USH2A: variants seen among roughly 807,000 people sequenced by gnomAD.
The protein encoded by USH2A is usherin.
USH2A carries 443 observed loss-of-function variants against 538.9 expected under a neutral mutation model. That is an observed-to-expected ratio of 0.82 (90% CI 0.76 to 0.89). The LOEUF (loss-of-function observed/expected upper bound fraction) is 0.89, where lower values mean the gene tolerates loss of function less well. USH2A is among the 40% of genes least tolerant of loss of function. The pLI, the probability that USH2A is intolerant of heterozygous loss-of-function variation, is 0.00. For synonymous variants in USH2A, 2,413 were observed against 2,273.5 expected, an observed-to-expected ratio of 1.06 and a Z score of -1.75; for missense variants, 6,633 against 6,324.8, an observed-to-expected ratio of 1.05 and a Z score of -1.65.
At chr1:216,371,977 A>C (rs2038724204) in intron 3 of USH2A, among the ~76,000 whole-genome samples, 1 of 152,184 alleles carries the variant, frequency 6.6e-6, no homozygotes, top group African/African-American at 2.4e-5. Flanking sequence ...CAGTTTATTA[A>C]ATATTCTCTA....
At chr1:216,412,559 G>T (rs550873290) in intron 3 of USH2A, among the ~76,000 whole-genome samples, 1 of 151,786 alleles carries the variant, frequency 6.6e-6, no homozygotes, top group African/African-American at 2.4e-5. Flanking sequence ...TCAATGAGGG[G>T]TATAGTTAAA....
intron 13 of USH2A, 31 bp from the exon 14 acceptor site, chr1:216,232,167 A>G (rs1167465789): frequency 1.3e-6 from 2 of 1,581,970 alleles, no homozygotes; most frequent in Non-Finnish European, 8.6e-7. Flanking sequence ...AGTTTTATAT[A>G]TACTTTTTAT....
intron 42 of USH2A, 59 bp downstream of exon 42, chr1:215,878,705 C>G: frequency 6.4e-7 from 1 of 1,556,354 alleles, no homozygotes; most frequent in South Asian, 1.1e-5. Flanking sequence ...CTTCATTTCC[C>G]TACTTCTCAG....
chr1:216,146,703 T>C (rs1475930895), intron 21 of USH2A, among the ~76,000 whole-genome samples: 2 of 152,018 alleles, frequency 1.3e-5, no homozygotes, highest in Middle Eastern at 3.2e-3. Flanking sequence ...CTTATTTCCG[T>C]GTCCCAACCC....
intron 2 of USH2A, among the ~76,000 whole-genome samples, chr1:216,420,054 T>C (rs1186837195): frequency 1.3e-5 from 2 of 152,164 alleles, no homozygotes; most frequent in Non-Finnish European, 2.9e-5. Flanking sequence ...AAGTTTTATA[T>C]AAATTCTACT....
chr1:215,782,302 T>C, intron 53 of USH2A, 106 bp from the exon 54 acceptor site: 1 of 1,217,974 alleles, frequency 8.2e-7, no homozygotes, highest in Admixed American at 2.0e-5. Flanking sequence ...ACTATAGCTT[T>C]ATTTAATTTT....
intron 70 of USH2A, among the ~76,000 whole-genome samples, chr1:215,629,401 A>T (rs1012853531): frequency 2.6e-5 from 4 of 152,148 alleles, no homozygotes; most frequent in South Asian, 2.1e-4. Context: ...TGAACAAGGT[A>T]TCTTCTTCAT....
At chr1:216,008,187 C>A (rs559788228) in intron 32 of USH2A, among the ~76,000 whole-genome samples, 2 of 152,252 alleles carry the variant, frequency 1.3e-5, no homozygotes, top group Admixed American at 6.5e-5. Context: ...TCCCCTGTGA[C>A]CTGCACGTAC....
intron 16 of USH2A, among the ~76,000 whole-genome samples, chr1:216,200,881 T>A (rs1324172634): frequency 6.6e-6 from 1 of 152,006 alleles, no homozygotes; most frequent in Non-Finnish European, 1.5e-5. Flanking sequence ...GCATTGGAGA[T>A]GCGAGGAGGG....
At chr1:216,242,399 T>C (rs2035957245) in intron 13 of USH2A, among the ~76,000 whole-genome samples, 1 of 151,338 alleles carries the variant, frequency 6.6e-6, no homozygotes, top group Non-Finnish European at 1.5e-5. Context: ...TATGTATATA[T>C]AATTCCTTGT....
At chr1:216,301,383 T>C (rs1450266682) in intron 9 of USH2A, among the ~76,000 whole-genome samples, 3 of 152,160 alleles carry the variant, frequency 2.0e-5, no homozygotes, top group African/African-American at 7.2e-5. Flanking sequence ...CTTCAATATG[T>C]TGAAGAAGTG....
intron 29 of USH2A, 112 bp from the exon 30 acceptor site, chr1:216,070,404 T>C: frequency 1.0e-6 from 1 of 977,520 alleles, no homozygotes; most frequent in Non-Finnish European, 1.6e-6. Context: ...TTAGCATAAA[T>C]ACAATTTATT....
Position 216,232,196 on chromosome 1 carries a change from C to T in USH2A, c.2810-60G>A, listed in dbSNP as rs1419224086. On this transcript the variant is annotated intron_variant, in intron 13 of 71. Coordinates refer to ENST00000307340, the MANE Select transcript of USH2A (RefSeq NM_206933.4). ...TTTTTATCCACTCTTTTATTTAAAG[C>T]ATAATAATTGATTACACAGAAAAAC... 3.3e-6 allele frequency: 5 copies of T among 1,526,096 alleles called. No individual in the cohort carries two copies. In the East Asian group the frequency reaches 9.8e-5, roughly 30 times the overall value. 94.5% of individuals were successfully genotyped at this position (1,526,096 alleles called of 1,614,324 possible).
intron 5 of USH2A, among the ~76,000 whole-genome samples, chr1:216,325,920 A>C (rs2102656727): frequency 6.6e-6 from 1 of 152,362 alleles, no homozygotes; most frequent in South Asian, 2.1e-4. Flanking sequence ...GTGATAATAT[A>C]GAAATGATCA....
chr1:215,805,492 C>T (rs1662474218), intron 49 of USH2A, among the ~76,000 whole-genome samples: 1 of 151,920 alleles, frequency 6.6e-6, no homozygotes, highest in South Asian at 2.1e-4. Flanking sequence ...GATAAAAGAG[C>T]TCTAGAGATG....
intron 35 of USH2A, among the ~76,000 whole-genome samples, chr1:215,972,661 T>C (rs1667524549): frequency 6.6e-6 from 1 of 152,210 alleles, no homozygotes; most frequent in African/African-American, 2.4e-5. Flanking sequence ...AAGCCACTGC[T>C]GTGATTCATT....
chr1:216,403,354 CT>C (rs2039340028), intron 3 of USH2A, among the ~76,000 whole-genome samples: 1 of 151,966 alleles, frequency 6.6e-6, no homozygotes, highest in African/African-American at 2.4e-5. Flanking sequence ...CTTTTTCTTC[CT>C]AAGATTAGGA....
At chr1:215,663,082 T>G (rs1348500027) in intron 64 of USH2A, among the ~76,000 whole-genome samples, 1 of 152,178 alleles carries the variant, frequency 6.6e-6, no homozygotes, top group Non-Finnish European at 1.5e-5. Context: ...TGAGGAGGGT[T>G]GAACTTCCTA....
chr1:215,954,006 A>G (rs575931752), intron 37 of USH2A, among the ~76,000 whole-genome samples: 1 of 152,344 alleles, frequency 6.6e-6, no homozygotes, highest in Non-Finnish European at 1.5e-5. Flanking sequence ...AATCAAAACC[A>G]CAATGAGATA....
Sources: allele counts gnomAD v4.1 joint callset (sites outside exome capture counted in the v4.1 genomes callset), GRCh38; gene constraint gnomAD v4.1.1; transcripts MANE v1.5; gene names NCBI Gene and HGNC (gene_info 2026-07-23, HGNC 2026-07-21).